Variants in CABLES1 observed in about 807,000 individuals in gnomAD.
CABLES1 encodes Cdk5 and Abl enzyme substrate 1.
CABLES1 carries 36 observed loss-of-function variants against 57.8 expected under a neutral mutation model. The observed-to-expected ratio is 0.62, with a 90% confidence interval of 0.48 to 0.82. The LOEUF (loss-of-function observed/expected upper bound fraction) is 0.82, where lower values mean the gene tolerates loss of function less well. CABLES1 is among the 40% of genes least tolerant of loss of function. The pLI is 0.00. For missense variants in CABLES1, 767 were observed against 836.6 expected (o/e 0.92, Z 1.03); for synonymous variants, 374 against 363.0 (o/e 1.03, Z -0.35).
intron 4 of CABLES1, among the ~76,000 whole-genome samples, chr18:23,216,725 G>A (rs1391835257): frequency 1.3e-5 from 2 of 152,190 alleles, no homozygotes; most frequent in Non-Finnish European, 2.9e-5. Flanking sequence ...AATTACCCAG[G>A]AAGAGGGCAC....
At position 23,195,167 on chromosome 18, in the gene CABLES1, A is replaced by G. The variant is rs577247936; in HGVS notation, c.1010+627A>G. Among the ~76,000 whole-genome samples, 9 of 152,314 alleles carry G rather than the reference A, an allele frequency of 5.9e-5. No individual in the cohort carries two copies. In the South Asian group the frequency reaches 1.7e-3, roughly 28 times the overall value. ...TTAAAACCTTCCAGACAACAGATAG[A>G]TCAGAATCATTGTTGCCAGCATGCT... On this transcript the variant is annotated intron_variant, in intron 3 of 9. Coordinates refer to ENST00000256925, the MANE Select transcript of CABLES1 (RefSeq NM_001100619.3).
intron 2 of CABLES1, among the ~76,000 whole-genome samples, chr18:23,190,696 GTTA>G (rs2047236157): frequency 6.6e-6 from 1 of 152,136 alleles, no homozygotes; most frequent in African/African-American, 2.4e-5. Context: ...CTCAAATCTT[GTTA>G]TTATAAAATT....
chr18:23,237,628 T>C (rs1053069977), intron 7 of CABLES1, among the ~76,000 whole-genome samples: 9 of 152,232 alleles, frequency 5.9e-5, no homozygotes, highest in African/African-American at 2.2e-4. Flanking sequence ...CAGGCCTTCG[T>C]GTGCATGCTG....
chr18:23,157,859 T>C (rs1413741609), intron 1 of CABLES1, among the ~76,000 whole-genome samples: 2 of 151,878 alleles, frequency 1.3e-5, no homozygotes, highest in African/African-American at 4.8e-5. Context: ...CATAGGATGG[T>C]GATTTGGAGT....
chr18:23,161,824 C>T (rs1014196395), intron 1 of CABLES1, among the ~76,000 whole-genome samples: 14 of 149,092 alleles, frequency 9.4e-5, no homozygotes, highest in South Asian at 2.1e-4. Flanking sequence ...CAGGAGGCTG[C>T]GGCAAGAGAA....
At chr18:23,163,036 A>G (rs555483940) in intron 1 of CABLES1, among the ~76,000 whole-genome samples, 5 of 152,302 alleles carry the variant, frequency 3.3e-5, no homozygotes, top group Admixed American at 1.3e-4. Flanking sequence ...ATTAAGGTGT[A>G]TTTCAGAAAT....
upstream of CABLES1, among the ~76,000 whole-genome samples, chr18:23,134,904 AC>A (rs2046806258): frequency 6.6e-6 from 1 of 152,044 alleles, no homozygotes; most frequent in South Asian, 2.1e-4. Flanking sequence ...GAATGAATAG[AC>A]CCAACTGCAA....
intron 1 of CABLES1, among the ~76,000 whole-genome samples, chr18:23,154,729 G>A (rs2046954729): frequency 6.6e-6 from 1 of 152,112 alleles, no homozygotes; most frequent in Non-Finnish European, 1.5e-5. Flanking sequence ...TGTAGAGCAG[G>A]GATCCCTTCT....
At chr18:23,155,872 A>G (rs1298404884) in intron 1 of CABLES1, 9 of 1,613,292 alleles carry the variant, frequency 5.6e-6, no homozygotes, top group Non-Finnish European at 7.6e-6. Flanking sequence ...ATGAGTTTGG[A>G]GTGGTCTGAA....
At chr18:23,234,426 A>T (rs1198734678) in intron 4 of CABLES1, among the ~76,000 whole-genome samples, 182 bp from the exon 5 acceptor site, 1 of 152,186 alleles carries the variant, frequency 6.6e-6, no homozygotes, top group Admixed American at 6.5e-5. Flanking sequence ...CATTTATGTC[A>T]AAGTGGTTGC....
chr18:23,164,489 A>G (rs1190393772), intron 1 of CABLES1, among the ~76,000 whole-genome samples: 1 of 152,008 alleles, frequency 6.6e-6, no homozygotes, highest in African/African-American at 2.4e-5. Flanking sequence ...TATCAGTTAC[A>G]CAGGTGGAAA....
At position 23,136,009 on chromosome 18, in the gene CABLES1, G is replaced by A; in HGVS notation, c.247G>A (p.Ala83Thr). The A allele has an allele frequency of 8.8e-7, 1 of 1,138,352 alleles. No individual in the cohort carries two copies. The allele number at this position is 1,138,352 out of a possible 1,614,324, so 70.5% of individuals were successfully genotyped here. A position where few individuals can be genotyped will look rare whatever the true frequency, so the allele number is the denominator to read the frequency against. ...SLDGRLPPQD[A>T]EWGGGEEGGA... is the part of the protein sequence containing the mutation. ...GGACGGCCGGCTGCCGCCGCAGGAC[G>A]CGGAGTGGGGCGGTGGCGAGGAGGG... The change falls in exon 1 of 10, where the codon GCG becomes ACG. Residue 83 changes from alanine (A) to threonine (T), a missense_variant. Physicochemically the swap from Ala to Thr is moderately conservative, Grantham distance 58. Around this residue, in one of 4 missense-constraint regions of CABLES1, gnomAD observed 198 missense variants for 149.7 expected, o/e 1.32. Coordinates refer to ENST00000256925, the MANE Select transcript of CABLES1 (RefSeq NM_001100619.3).
intron 9 of CABLES1, among the ~76,000 whole-genome samples, chr18:23,255,046 A>T (rs991407165): frequency 6.6e-6 from 1 of 152,072 alleles, no homozygotes; most frequent in Non-Finnish European, 1.5e-5. Context: ...AATAGTTTTG[A>T]TGGGCTGTGG....
At chr18:23,160,179 A>G (rs1359878513) in intron 1 of CABLES1, among the ~76,000 whole-genome samples, 2 of 151,816 alleles carry the variant, frequency 1.3e-5, no homozygotes, top group Non-Finnish European at 2.9e-5. Context: ...CTGGGATTAC[A>G]GGCGCCCGCC....
intron 1 of CABLES1, among the ~76,000 whole-genome samples, chr18:23,150,986 C>T (rs2046925768): frequency 6.8e-6 from 1 of 147,834 alleles, no homozygotes; most frequent in Non-Finnish European, 1.5e-5. Flanking sequence ...TTATTAGAAG[C>T]CGCTGGGGAG....
chr18:23,167,409 C>G (rs1029845899), intron 1 of CABLES1, among the ~76,000 whole-genome samples: 9 of 152,154 alleles, frequency 5.9e-5, no homozygotes, highest in Admixed American at 5.9e-4. Context: ...CACCACATGC[C>G]TCTTTTTGCA....
intron 7 of CABLES1, among the ~76,000 whole-genome samples, chr18:23,246,600 C>A (rs569613286): frequency 1.3e-5 from 2 of 151,882 alleles, no homozygotes; most frequent in Non-Finnish European, 2.9e-5. Flanking sequence ...ACCGTGTTAG[C>A]CAGGATGGTC....
chr18:23,162,968 CAGG>C (rs1161829484), intron 1 of CABLES1, among the ~76,000 whole-genome samples: 1 of 152,162 alleles, frequency 6.6e-6, no homozygotes, highest in Non-Finnish European at 1.5e-5. Context: ...TCTGGCTGCT[CAGG>C]AGACCAGGCA....
At position 23,222,654 on chromosome 18, in the gene CABLES1, A is replaced by G. The variant is rs114281790; in HGVS notation, c.1088+8600A>G. 2.8e-3 allele frequency among the ~76,000 whole-genome samples: 420 copies of G among 152,034 alleles called. 1 individual carries two copies. The highest frequency in any genetic ancestry group is 9.8e-3 in the African/African-American group (408 of 41,494). Reference sequence around the variant, plus strand: ...AGATATAGATATATATTGCCCCAACAAAGGACAGCCGGACTGCTTCAGCAG... The same window carrying G: ...AGATATAGATATATATTGCCCCAACGAAGGACAGCCGGACTGCTTCAGCAG... On this transcript the variant is annotated intron_variant, in intron 4 of 9. Coordinates refer to ENST00000256925, the MANE Select transcript of CABLES1 (RefSeq NM_001100619.3).
Sources: allele counts gnomAD v4.1 joint callset (sites outside exome capture counted in the v4.1 genomes callset), GRCh38; gene constraint gnomAD v4.1.1; regional missense constraint gnomAD v4.1.1; transcripts MANE v1.5; gene names NCBI Gene and HGNC (gene_info 2026-07-23, HGNC 2026-07-21).